Variants in AKAP13 observed in about 807,000 individuals in gnomAD.
The protein encoded by AKAP13 is A-kinase anchoring protein 13, also known as A-kinase anchor protein 13.
In AKAP13, 80 loss-of-function variants were observed where a neutral mutation model predicts 264.5. The observed-to-expected ratio is 0.30, with a 90% CI of 0.25 to 0.36. The LOEUF (loss-of-function observed/expected upper bound fraction) is 0.36, where lower values mean the gene tolerates loss of function less well. Ranked by LOEUF, AKAP13 falls within the 10% of genes least tolerant of loss-of-function variation. The pLI, the probability that AKAP13 is intolerant of heterozygous loss-of-function variation, is 1.00. For missense variants in AKAP13, 3,712 were observed against 3,435.2 expected, an observed-to-expected ratio of 1.08 and a Z score of -2.01; for synonymous variants, 1,380 against 1,250.2, an observed-to-expected ratio of 1.10 and a Z score of -2.19.
intron 8 of AKAP13, among the ~76,000 whole-genome samples, chr15:85,627,334 T>G (rs2081458494): frequency 6.6e-6 from 1 of 152,046 alleles, no homozygotes; most frequent in Non-Finnish European, 1.5e-5. Context: ...CTTTGACCTG[T>G]TTTTCTCTCT....
intron 2 of AKAP13, chr15:85,520,542 G>A (rs558141397): frequency 8.0e-6 from 3 of 374,974 alleles, no homozygotes; most frequent in Admixed American, 3.4e-5. Flanking sequence ...AGACAAAGAT[G>A]TCTTACCTTC....
intron 5 of AKAP13, among the ~76,000 whole-genome samples, chr15:85,553,016 T>C (rs182318999): frequency 2.1e-4 from 32 of 152,250 alleles, no homozygotes; most frequent in Non-Finnish European, 4.6e-4. Context: ...ATTTAATGTT[T>C]AGTGTTCTGA....
chr15:85,625,969 T>C (rs376877491), intron 8 of AKAP13, among the ~76,000 whole-genome samples: 1 of 152,236 alleles, frequency 6.6e-6, no homozygotes, highest in East Asian at 1.9e-4. Flanking sequence ...CTTAAGCAGC[T>C]TACTTTATAG....
intron 12 of AKAP13, among the ~76,000 whole-genome samples, chr15:85,663,720 C>T (rs979230571): frequency 2.4e-4 from 37 of 152,308 alleles, no homozygotes; most frequent in African/African-American, 8.4e-4. Context: ...GTGAATTACT[C>T]TAGTTAGCAA....
At chr15:85,479,808 C>T (rs1440023977) in intron 1 of AKAP13, among the ~76,000 whole-genome samples, 4 of 152,160 alleles carry the variant, frequency 2.6e-5, no homozygotes, top group Admixed American at 6.5e-5. Context: ...TTGTTAAAGG[C>T]TTCTCTTGTA....
At chr15:85,474,285 G>A (rs572873322) in intron 1 of AKAP13, among the ~76,000 whole-genome samples, 1 of 152,224 alleles carries the variant, frequency 6.6e-6, no homozygotes, top group East Asian at 1.9e-4. Flanking sequence ...CTTTCCCTCT[G>A]CCCCACTCCC....
intron 2 of AKAP13, among the ~76,000 whole-genome samples, chr15:85,507,505 A>C (rs1325165299): frequency 6.6e-6 from 1 of 152,220 alleles, no homozygotes; most frequent in Non-Finnish European, 1.5e-5. Flanking sequence ...ATTAGATGAA[A>C]TGGGGATTAA....
At chr15:85,436,775 C>T (rs954706001) in intron 1 of AKAP13, among the ~76,000 whole-genome samples, 2 of 151,970 alleles carry the variant, frequency 1.3e-5, no homozygotes, top group East Asian at 1.9e-4. Flanking sequence ...CCAACGAGAA[C>T]GAAGACACAA....
At chr15:85,431,343 T>G (rs903280503) in intron 1 of AKAP13, among the ~76,000 whole-genome samples, 1 of 152,186 alleles carries the variant, frequency 6.6e-6, no homozygotes, top group East Asian at 1.9e-4. Flanking sequence ...ATACCTTAGC[T>G]CTTCCAGCTC....
intron 5 of AKAP13, among the ~76,000 whole-genome samples, chr15:85,545,635 G>C (rs2077708977): frequency 6.6e-6 from 1 of 152,150 alleles, no homozygotes; most frequent in South Asian, 2.1e-4. Flanking sequence ...CTCTTAACTT[G>C]AATTCTGGGA....
intron 8 of AKAP13, among the ~76,000 whole-genome samples, chr15:85,633,194 A>G (rs966202693): frequency 1.8e-4 from 27 of 152,104 alleles, no homozygotes; most frequent in African/African-American, 6.3e-4. Flanking sequence ...GGTTTTCTAA[A>G]CTGTTGGCCC....
chr15:85,524,933 C>T (rs1368221498), intron 3 of AKAP13, among the ~76,000 whole-genome samples: 2 of 150,704 alleles, frequency 1.3e-5, no homozygotes, highest in Admixed American at 1.3e-4. Flanking sequence ...GTTGTAAAGG[C>T]CTTTTAAAGT....
At chr15:85,569,246 G>C (rs766661161) in intron 5 of AKAP13, among the ~76,000 whole-genome samples, 19 of 152,084 alleles carry the variant, frequency 1.2e-4, no homozygotes, top group Non-Finnish European at 2.6e-4. Context: ...TTTGAGTCAA[G>C]AGAAAGAGAT....
At chr15:85,553,228 G>C (rs899543285) in intron 5 of AKAP13, among the ~76,000 whole-genome samples, 4 of 150,986 alleles carry the variant, frequency 2.6e-5, no homozygotes, top group Non-Finnish European at 5.9e-5. Context: ...CTGGGATTAC[G>C]GGCACTCGCC....
chr15:85,430,720 C>T (rs2072989286), intron 1 of AKAP13, among the ~76,000 whole-genome samples: 3 of 152,176 alleles, frequency 2.0e-5, no homozygotes, highest in Non-Finnish European at 1.5e-5. Flanking sequence ...TAACAACTAG[C>T]ATTTGAATAC....
At chr15:85,673,528 C>T (rs534913807) in intron 14 of AKAP13, among the ~76,000 whole-genome samples, 1 of 152,248 alleles carries the variant, frequency 6.6e-6, no homozygotes, top group African/African-American at 2.4e-5. Context: ...CTCCTCCTTG[C>T]ATCAGAGAAA....
chr15:85,742,791 G>C (rs1297906202), intron 35 of AKAP13, among the ~76,000 whole-genome samples: 1 of 152,134 alleles, frequency 6.6e-6, no homozygotes, highest in East Asian at 1.9e-4. Context: ...TTGTTTGATT[G>C]ATTGATCTTG....
intron 5 of AKAP13, among the ~76,000 whole-genome samples, chr15:85,554,476 G>A (rs1487244473): frequency 1.3e-5 from 2 of 152,092 alleles, no homozygotes; most frequent in Non-Finnish European, 2.9e-5. Flanking sequence ...TAACCTAGTG[G>A]GGAAACCAAG....
intron 9 of AKAP13, among the ~76,000 whole-genome samples, chr15:85,642,787 C>T (rs2082369812): frequency 6.6e-6 from 1 of 152,150 alleles, no homozygotes; most frequent in Non-Finnish European, 1.5e-5. Context: ...ATTCGAATAT[C>T]GTGAGCTAGT....
Sources: allele counts gnomAD v4.1 joint callset (sites outside exome capture counted in the v4.1 genomes callset), GRCh38; gene constraint gnomAD v4.1.1; transcripts MANE v1.5; gene names NCBI Gene and HGNC (gene_info 2026-07-23, HGNC 2026-07-21).